ANK1: variants seen among roughly 807,000 people sequenced by gnomAD.
ANK1 encodes ankyrin-1.
In ANK1, 51 loss-of-function variants were observed where a neutral mutation model predicts 210.4. The observed-to-expected ratio is 0.24, with a 90% CI of 0.19 to 0.31. The LOEUF is 0.31. Among genes scored for constraint, ANK1 ranks in the 10% least tolerant of loss-of-function variants. The probability of loss-of-function intolerance (pLI) is 1.00; values close to 1 mark genes in which losing one functional copy is unlikely to be tolerated. For missense variants in ANK1, 2,051 were observed against 2,504.4 expected (o/e 0.82, Z 3.86); for synonymous variants, 967 against 1,025.9 (o/e 0.94, Z 1.10).
chr8:41,779,822 C>T (rs551052637), intron 1 of ANK1, among the ~76,000 whole-genome samples: 3 of 152,328 alleles, frequency 2.0e-5, no homozygotes, highest in African/African-American at 7.2e-5. Flanking sequence ...AGGATTTGAA[C>T]TCAGCAACCG....
At chr8:41,656,757 G>C (rs184765234) in intron 42 of ANK1, among the ~76,000 whole-genome samples, 16 of 152,310 alleles carry the variant, frequency 1.1e-4, no homozygotes, top group African/African-American at 3.1e-4. Context: ...AGCTGTTTTG[G>C]GTCCTCCAGG....
intron 1 of ANK1, among the ~76,000 whole-genome samples, chr8:41,889,335 G>A (rs781492896): frequency 1.3e-5 from 2 of 152,210 alleles, no homozygotes; most frequent in African/African-American, 2.4e-5. Flanking sequence ...GTGTGACAAT[G>A]CATGTCATGC....
rs113494215 is a variant in ANK1 at position 41,873,969 on chromosome 8, G to A, written c.126+22386C>T. On this transcript the variant is annotated intron_variant, in intron 1 of 42. Coordinates refer to the ANK1 transcript ENST00000265709. ...ACACCCTCCCCCTACACACACAAAC[G>A]CACATGCACACACAATGCACACATG... Among the ~76,000 whole-genome samples, 236 of 152,196 alleles carry A rather than the reference G, an allele frequency of 1.6e-3. 2 individuals carry two copies. Among genetic ancestry groups the A allele is most frequent in the South Asian group, 3.7e-3 (18 of 4,802 alleles).
At chr8:41,727,587 A>G (rs1481967202) in intron 4 of ANK1, among the ~76,000 whole-genome samples, 2 of 152,110 alleles carry the variant, frequency 1.3e-5, no homozygotes. Context: ...CATACTCCTC[A>G]TTGATTTCAT....
At chr8:41,803,084 GGAAGGAAAGGAAAGGAAAGGA>G (rs1563811154) in intron 1 of ANK1, among the ~76,000 whole-genome samples, 2 of 62,696 alleles carry the variant, frequency 3.2e-5, no homozygotes, top group African/African-American at 6.6e-5. Flanking sequence ...AGGAAGGAAG[GGAAGGAAAGGAAAGGAAAGGA>G]AAGGAAAGGA....
At chr8:41,743,690 G>A (rs1383192206) in intron 2 of ANK1, among the ~76,000 whole-genome samples, 1 of 152,260 alleles carries the variant, frequency 6.6e-6, no homozygotes, top group East Asian at 1.9e-4. Context: ...ACGGGCATCA[G>A]TGGCATTCAG....
rs760011118 is a variant in ANK1 at position 41,738,742 on chromosome 8, G to T, written c.130-4673C>A. On this transcript the variant is annotated intron_variant, in intron 2 of 42. Coordinates refer to ENST00000289734, the MANE Select transcript of ANK1 (RefSeq NM_000037.4). ...AGCTAAATCAAGTTTAAGTTAGCTTGGTTGCTAAAAGTAAAAGGCAGCTTG... is the reference window on the plus strand; with the variant it reads ...AGCTAAATCAAGTTTAAGTTAGCTTTGTTGCTAAAAGTAAAAGGCAGCTTG... Among the ~76,000 whole-genome samples, 3 of 152,186 alleles carry T rather than the reference G, an allele frequency of 2.0e-5. 1 individual carries two copies. Among genetic ancestry groups the T allele is most frequent in the African/African-American group, 7.2e-5 (3 of 41,446 alleles).
chr8:41,858,988 G>A (rs983211832), intron 1 of ANK1, among the ~76,000 whole-genome samples: 8 of 152,220 alleles, frequency 5.3e-5, no homozygotes, highest in African/African-American at 9.6e-5. Context: ...GAGGGGCGGC[G>A]CCCAGCCTCC....
intron 1 of ANK1, among the ~76,000 whole-genome samples, chr8:41,763,869 CT>C (rs1563702884): frequency 1.1e-5 from 1 of 91,446 alleles, no homozygotes; most frequent in South Asian, 3.9e-4. Flanking sequence ...TTTCTTTCTT[CT>C]TTCTTTTTTT....
intron 1 of ANK1, among the ~76,000 whole-genome samples, chr8:41,818,888 C>G (rs1211148979): frequency 6.6e-6 from 1 of 152,142 alleles, no homozygotes; most frequent in Non-Finnish European, 1.5e-5. Context: ...TAAGACACGC[C>G]CACAGCTGCA....
chr8:41,659,843 C>A (rs1807303900), intron 42 of ANK1, among the ~76,000 whole-genome samples: 1 of 152,004 alleles, frequency 6.6e-6, no homozygotes, highest in Non-Finnish European at 1.5e-5. Flanking sequence ...TGGGGGGCTT[C>A]AGCCACATTG....
chr8:41,772,448 T>C (rs1264544666), intron 1 of ANK1, among the ~76,000 whole-genome samples: 2 of 152,184 alleles, frequency 1.3e-5, no homozygotes. Flanking sequence ...CCTCCATTTC[T>C]TCTCGACTAA....
intron 9 of ANK1, among the ~76,000 whole-genome samples, chr8:41,720,832 G>A (rs1829057199): frequency 6.6e-6 from 1 of 152,128 alleles, no homozygotes; most frequent in Admixed American, 6.5e-5. Context: ...CATCACAGAG[G>A]CAGCTACCCT....
At position 41,723,415 on chromosome 8, in the gene ANK1, G is replaced by A. The variant is rs535261464; in HGVS notation, c.810+120C>T. The A allele has an allele frequency of 1.5e-4, 191 of 1,241,314 alleles. No homozygotes were observed. In the African/African-American group the frequency reaches 2.1e-3, roughly 14 times the overall value. 76.9% of individuals were successfully genotyped at this position (1,241,314 alleles called of 1,614,324 possible). A position where few individuals can be genotyped will look rare whatever the true frequency, so the allele number is the denominator to read the frequency against. ...CACTGCCCAGAATACTGCTGCAGGC[G>A]GCTCCGGGAGGCTGGTGGTGCATCC... On this transcript the variant is annotated intron_variant, in intron 8 of 42. Transcript: ENST00000289734.
chr8:41,670,920 CTG>C (rs1812056324), intron 38 of ANK1, among the ~76,000 whole-genome samples: 2 of 152,240 alleles, frequency 1.3e-5, no homozygotes, highest in Admixed American at 6.5e-5. Context: ...CATCCGCTTC[CTG>C]TGCTAGCCCA....
chr8:41,691,069 T>A (rs574579092), intron 31 of ANK1, among the ~76,000 whole-genome samples: 69 of 152,094 alleles, frequency 4.5e-4, no homozygotes, highest in Admixed American at 7.2e-4. Flanking sequence ...CAAATTTTTT[T>A]AAAAAAACTA....
chr8:41,695,645 C>T (rs1820693473), intron 26 of ANK1, among the ~76,000 whole-genome samples: 1 of 152,264 alleles, frequency 6.6e-6, no homozygotes, highest in Non-Finnish European at 1.5e-5. Context: ...ACCTGACATC[C>T]CTAGACGGGT....
chr8:41,719,910 A>T (rs143598160), intron 9 of ANK1, 52 bp from the exon 10 acceptor site: 1 of 1,592,012 alleles, frequency 6.3e-7, no homozygotes, highest in East Asian at 2.2e-5. Context: ...GGGACCGAGC[A>T]TGGAGATTCA....
chr8:41,733,701 T>C lies in ANK1; in HGVS notation c.228+270A>G, dbSNP rs201700415. Reference sequence around the variant, plus strand: ...AGAGCCCTTGGACACTGAGTTCGAGTCAAGGACCCTGAGAAAGTATAAAGC... The same window carrying C: ...AGAGCCCTTGGACACTGAGTTCGAGCCAAGGACCCTGAGAAAGTATAAAGC... On this transcript the variant is annotated intron_variant, in intron 3 of 42. Coordinates refer to ENST00000289734, the MANE Select transcript of ANK1 (RefSeq NM_000037.4). 2.0e-5 allele frequency among the ~76,000 whole-genome samples: 3 copies of C among 152,172 alleles called. No homozygotes were observed. The East Asian group carries it at 5.8e-4, about 29-fold the overall frequency.
Sources: allele counts gnomAD v4.1 joint callset (sites outside exome capture counted in the v4.1 genomes callset), GRCh38; gene constraint gnomAD v4.1.1; transcripts MANE v1.5; gene names NCBI Gene and HGNC (gene_info 2026-07-23, HGNC 2026-07-21).